Variants in FLACC1 observed in about 807,000 individuals in gnomAD.
FLACC1 encodes flagellum-associated coiled-coil domain-containing protein 1.
A neutral mutation model predicts 62.8 loss-of-function variants in FLACC1; 66 were observed. The ratio of observed to expected loss-of-function variants is 1.05; its 90% CI spans 0.86 to 1.29. FLACC1 has a LOEUF of 1.29. Ranked by LOEUF, FLACC1 falls within the 50% of genes most tolerant of loss-of-function variation. FLACC1 has a pLI of 0.00. For synonymous variants in FLACC1, 156 were observed against 161.0 expected, an observed-to-expected ratio of 0.97 and a Z score of 0.24; for missense variants, 452 against 489.1, an observed-to-expected ratio of 0.92 and a Z score of 0.71.
At chr2:201,302,788 G>A (rs1309955796) in intron 11 of FLACC1, among the ~76,000 whole-genome samples, 1 of 152,132 alleles carries the variant, frequency 6.6e-6, no homozygotes, top group Non-Finnish European at 1.5e-5. Flanking sequence ...ACTCAAAACA[G>A]CACAACTACA....
intron 12 of FLACC1, among the ~76,000 whole-genome samples, chr2:201,291,815 G>T (rs1171046862): frequency 6.6e-6 from 1 of 152,184 alleles, no homozygotes; most frequent in African/African-American, 2.4e-5. Flanking sequence ...AATAACCAAT[G>T]CAGAGAAGTC....
At chr2:201,335,516 T>C (rs1950676056) in intron 7 of FLACC1, among the ~76,000 whole-genome samples, 3 of 152,190 alleles carry the variant, frequency 2.0e-5, no homozygotes, top group Admixed American at 2.0e-4. Context: ...TTTATAGGCC[T>C]CTATTCTGTT....
At chr2:201,297,427 C>T (rs757442170) in intron 12 of FLACC1, among the ~76,000 whole-genome samples, 1 of 151,992 alleles carries the variant, frequency 6.6e-6, no homozygotes, top group Non-Finnish European at 1.5e-5. Flanking sequence ...AGTGGGGTGC[C>T]ATTGAAGGGT....
chr2:201,293,652 G>A (rs1949790022), intron 12 of FLACC1, among the ~76,000 whole-genome samples: 1 of 151,914 alleles, frequency 6.6e-6, no homozygotes, highest in African/African-American at 2.4e-5. Flanking sequence ...GCTAGCAGAA[G>A]GCAAGAAATA....
In FLACC1 at chr2:201,301,113, C is replaced by T. The variant is rs368776570; in HGVS notation, c.880-1813G>A. 5.7e-4 allele frequency among the ~76,000 whole-genome samples: 87 copies of T among 152,268 alleles called. 1 individual carries two copies. The highest frequency in any genetic ancestry group is 1.9e-3 in the African/African-American group (78 of 41,552). On this transcript the variant is annotated intron_variant, in intron 11 of 14. Transcript: ENST00000392257. ...TTGAGAGAAGAAGGCTTCAGATGAT[C>T]AGTAATAACAAGCTTCTCCAAGTTA...
intron 12 of FLACC1, among the ~76,000 whole-genome samples, chr2:201,294,955 C>A (rs961563692): frequency 1.3e-5 from 2 of 152,112 alleles, no homozygotes; most frequent in Non-Finnish European, 2.9e-5. Flanking sequence ...CCTAGGAATC[C>A]AACTCACAAG....
At chr2:201,303,925 T>A (rs545815876) in intron 11 of FLACC1, among the ~76,000 whole-genome samples, 1 of 152,198 alleles carries the variant, frequency 6.6e-6, no homozygotes. Flanking sequence ...TGATGGGACG[T>A]ATCTCAAAAT....
At chr2:201,334,813 C>T (rs1316334042) in intron 7 of FLACC1, among the ~76,000 whole-genome samples, 2 of 149,178 alleles carry the variant, frequency 1.3e-5, no homozygotes, top group Non-Finnish European at 3.0e-5. Flanking sequence ...AAAAAAAAAT[C>T]ATGTGAAAGT....
chr2:201,295,311 G>T (rs1209546506), intron 12 of FLACC1, among the ~76,000 whole-genome samples: 3 of 152,108 alleles, frequency 2.0e-5, no homozygotes, highest in Non-Finnish European at 2.9e-5. Flanking sequence ...TACCAAAACA[G>T]AGATATAGAC....
At chr2:201,329,750 AG>A (rs1033452609) in intron 9 of FLACC1, among the ~76,000 whole-genome samples, 8 of 152,180 alleles carry the variant, frequency 5.3e-5, no homozygotes, top group African/African-American at 1.7e-4. Context: ...AGAGAGGAAG[AG>A]GGGGAAGGGT....
chr2:201,297,305 A>ATC lies in FLACC1; in HGVS notation c.942+1931_942+1932dup, dbSNP rs541377751. Among the ~76,000 whole-genome samples, 18 of 152,290 alleles carry ATC rather than the reference A, an allele frequency of 1.2e-4. No individual in the cohort carries two copies. The South Asian group carries it at 3.7e-3, about 32-fold the overall frequency. The stretch of plus-strand genomic sequence containing the variant: ...TTATCAGTACAGAGATGGCTTTTAC[A>ATC]TCTGTGTGAACAGATGAGCTCACCA... On this transcript the variant is annotated intron_variant, in intron 12 of 14. Coordinates refer to ENST00000392257, the MANE Select transcript of FLACC1 (RefSeq NM_001127391.3).
At chr2:201,350,865 C>T in intron 2 of FLACC1, 83 bp from the exon 3 acceptor site, 2 of 1,162,622 alleles carry the variant, frequency 1.7e-6, no homozygotes, top group South Asian at 1.4e-5. Context: ...AAGTACATCC[C>T]TATAGTGACC....
Position 201,333,798 on chromosome 2 carries a change from C to T in FLACC1, c.525-2965G>A, listed in dbSNP as rs928442752. ...ATGTGCCACATTTTCTTAATCCAGT[C>T]TATCATAGTTGGACATTTGGGTTGG... On this transcript the variant is annotated intron_variant, in intron 7 of 14. Transcript: ENST00000392257. 4.5e-4 allele frequency among the ~76,000 whole-genome samples: 68 copies of T among 152,244 alleles called. 1 individual carries two copies. The highest frequency in any genetic ancestry group is 1.4e-3 in the African/African-American group (58 of 41,534).
chr2:201,297,122 T>C (rs1040022552), intron 12 of FLACC1, among the ~76,000 whole-genome samples: 3 of 152,116 alleles, frequency 2.0e-5, no homozygotes, highest in Non-Finnish European at 2.9e-5. Context: ...GAGTTGACAA[T>C]TTGGGGGCTA....
Position 201,344,238 on chromosome 2 carries a change from C to A in FLACC1, c.394G>T (p.Glu132Ter). 1.9e-6 allele frequency: 3 copies of A among 1,613,698 alleles called. No individual in the cohort carries two copies. The highest frequency in any genetic ancestry group is 8.5e-7 in the Non-Finnish European group (1 of 1,179,676). The change falls in exon 6 of 15, where the codon GAG becomes TAG. Residue 132 changes from glutamate (E) to a stop codon, truncating the protein, a stop_gained. Coordinates refer to ENST00000392257, the MANE Select transcript of FLACC1 (RefSeq NM_001127391.3). LOFTEE classifies it high-confidence loss of function. ...SRTNIISDLE[E>*]QISELTAIIE... ...ATTGCTGTCAGCTCTGAGATTTGCTCTTCTAGGTCAGAAATGATGTTGGTC... is the reference window on the plus strand; with the variant it reads ...ATTGCTGTCAGCTCTGAGATTTGCTATTCTAGGTCAGAAATGATGTTGGTC...
At chr2:201,342,330 A>G (rs888400667) in intron 7 of FLACC1, 40 bp downstream of exon 7, 1 of 1,604,544 alleles carries the variant, frequency 6.2e-7, no homozygotes, top group South Asian at 1.1e-5. Context: ...GGACCCTTAG[A>G]GCCATCAACA....
intron 12 of FLACC1, 163 bp from the exon 13 acceptor site, chr2:201,289,948 A>G (rs1287547233): frequency 2.4e-6 from 3 of 1,257,666 alleles, no homozygotes; most frequent in Non-Finnish European, 3.3e-6. Context: ...TGTCTCACCC[A>G]TCTATATCCT....
chr2:201,358,976 A>G (rs1951159967), upstream of FLACC1, among the ~76,000 whole-genome samples: 1 of 152,256 alleles, frequency 6.6e-6, no homozygotes, highest in Non-Finnish European at 1.5e-5. Context: ...CTAGATCTAC[A>G]TATCAGAAAG....
rs1249435682 is a variant in FLACC1, at chr2:201,326,985, A to C, written c.675+3485T>G. Among the ~76,000 whole-genome samples, 1 of 152,204 alleles carries C rather than the reference A, an allele frequency of 6.6e-6. No individual in the cohort carries two copies. Among genetic ancestry groups the C allele is most frequent in the African/African-American group, 2.4e-5 (1 of 41,458 alleles). ...TGGTATAAAAGTAGGCACATAGGCC[A>C]AGGAAACAGAACAGAAAACCCAGAA... On this transcript the variant is annotated intron_variant, in intron 9 of 14. Coordinates refer to ENST00000392257, the MANE Select transcript of FLACC1 (RefSeq NM_001127391.3). This position sits in a 1 kb window ranked among gnomAD's most constrained non-coding sequence, Gnocchi z 4.1.
Sources: gnomAD v4.1 joint callset for allele counts (sites outside exome capture counted in the v4.1 genomes callset) on GRCh38, gnomAD v4.1.1 for gene constraint, Gnocchi (gnomAD v3.1) non-coding constraint, MANE v1.5 for transcripts, NCBI Gene and HGNC (gene_info 2026-07-23, HGNC 2026-07-21) for gene names.